LRP1B: variants seen among roughly 807,000 people sequenced by gnomAD.
The protein encoded by LRP1B is LDL receptor related protein 1B.
Under a neutral mutation model 556.6 loss-of-function variants are expected in LRP1B, and 217 were observed. That is an observed-to-expected ratio of 0.39 (90% confidence interval 0.35 to 0.44). LRP1B has a LOEUF of 0.44. Ranked by LOEUF, LRP1B falls within the 20% of genes least tolerant of loss-of-function variation. The pLI is 1.00. For missense variants in LRP1B, 5,053 were observed against 5,620.8 expected, an observed-to-expected ratio of 0.90 and a Z score of 3.23; for synonymous variants, 2,047 against 1,865.8, an observed-to-expected ratio of 1.10 and a Z score of -2.50.
rs138306215 is a variant in LRP1B, at chr2:141,092,905, G to C, written c.1014-30632C>G. On this transcript the variant is annotated intron_variant, in intron 7 of 90. Coordinates refer to ENST00000389484, the MANE Select transcript of LRP1B (RefSeq NM_018557.3). ...TGGAGAATCAGGGGAGGAAAATAATGATTTCAGTGGTTTAGGAGAGAACTG... is the reference window on the plus strand; with the variant it reads ...TGGAGAATCAGGGGAGGAAAATAATCATTTCAGTGGTTTAGGAGAGAACTG... Among the ~76,000 whole-genome samples, 48 of 152,254 alleles carry C rather than the reference G, an allele frequency of 3.2e-4. 1 individual carries two copies. In the East Asian group the frequency reaches 8.3e-3, roughly 26 times the overall value.
At chr2:140,913,859 A>G (rs2105242408) in intron 21 of LRP1B, among the ~76,000 whole-genome samples, 1 of 152,190 alleles carries the variant, frequency 6.6e-6, no homozygotes, top group Admixed American at 6.5e-5. Context: ...TTGGGAGGTA[A>G]TTTTGAACAT....
chr2:141,074,413 C>T (rs996653147), intron 7 of LRP1B, among the ~76,000 whole-genome samples: 1 of 151,804 alleles, frequency 6.6e-6, no homozygotes, highest in African/African-American at 2.4e-5. Context: ...TCTTATTTTA[C>T]TTGCATAAAA....
intron 3 of LRP1B, among the ~76,000 whole-genome samples, chr2:141,294,494 G>A: frequency 6.6e-6 from 1 of 152,000 alleles, no homozygotes. Context: ...AGGCCATGGT[G>A]GGAGGATTGC....
chr2:140,335,551 A>G (rs1681041918), intron 78 of LRP1B, 64 bp downstream of exon 78: 4 of 970,084 alleles, frequency 4.1e-6, no homozygotes, highest in South Asian at 3.9e-5. Flanking sequence ...CAAAATCTAT[A>G]GAGCATAATT....
At chr2:141,750,131 A>T (rs907413923) in intron 2 of LRP1B, among the ~76,000 whole-genome samples, 4 of 152,056 alleles carry the variant, frequency 2.6e-5, no homozygotes, top group Admixed American at 2.6e-4. Flanking sequence ...CTCAGTAGAG[A>T]TATATAGTGT....
intron 7 of LRP1B, among the ~76,000 whole-genome samples, chr2:141,156,457 T>A (rs1342793739): frequency 6.6e-6 from 1 of 151,688 alleles, no homozygotes; most frequent in Non-Finnish European, 1.5e-5. Flanking sequence ...TGAAAACCCA[T>A]CTCTACAAAA....
At chr2:141,870,228 A>G (rs1286181286) in intron 1 of LRP1B, among the ~76,000 whole-genome samples, 1 of 151,918 alleles carries the variant, frequency 6.6e-6, no homozygotes, top group Non-Finnish European at 1.5e-5. Flanking sequence ...TACTTTTTCA[A>G]AATGACTCTT....
intron 3 of LRP1B, among the ~76,000 whole-genome samples, chr2:141,429,410 C>T (rs1356608381): frequency 6.6e-6 from 1 of 152,012 alleles, no homozygotes; most frequent in Non-Finnish European, 1.5e-5. Flanking sequence ...TGCATTTGAC[C>T]AGAAGTTACC....
chr2:140,615,922 T>C (rs1440772876), intron 41 of LRP1B, among the ~76,000 whole-genome samples: 2 of 152,084 alleles, frequency 1.3e-5, no homozygotes, highest in African/African-American at 4.8e-5. Context: ...AGTCTCTACA[T>C]ATTCTTAGTC....
At chr2:141,437,179 T>C (rs945853088) in intron 3 of LRP1B, among the ~76,000 whole-genome samples, 3 of 152,104 alleles carry the variant, frequency 2.0e-5, no homozygotes, top group African/African-American at 4.8e-5. Context: ...TATATGACAA[T>C]AGAAGAAAAT....
At chr2:142,040,886 T>C (rs934783345) in intron 1 of LRP1B, among the ~76,000 whole-genome samples, 3 of 151,286 alleles carry the variant, frequency 2.0e-5, no homozygotes, top group African/African-American at 7.3e-5. Context: ...ACAGAAGTAA[T>C]GCAATTTTTA....
intron 1 of LRP1B, among the ~76,000 whole-genome samples, chr2:141,847,765 G>T (rs1212713103): frequency 6.6e-6 from 1 of 151,646 alleles, no homozygotes; most frequent in East Asian, 1.9e-4. Flanking sequence ...CTCTAATACT[G>T]TTACAAAAAG....
At chr2:141,161,466 G>C (rs954616874) in intron 7 of LRP1B, among the ~76,000 whole-genome samples, 18 of 152,238 alleles carry the variant, frequency 1.2e-4, no homozygotes, top group African/African-American at 4.3e-4. Context: ...GATAATATCA[G>C]AAATAATGAA....
At chr2:141,806,674 A>G (rs1696177815) in intron 2 of LRP1B, among the ~76,000 whole-genome samples, 1 of 152,020 alleles carries the variant, frequency 6.6e-6, no homozygotes, top group Non-Finnish European at 1.5e-5. Flanking sequence ...CACACACAGA[A>G]GAGAAGGAAA....
intron 7 of LRP1B, among the ~76,000 whole-genome samples, chr2:141,168,385 T>A (rs1680356599): frequency 6.6e-6 from 1 of 152,160 alleles, no homozygotes; most frequent in South Asian, 2.1e-4. Context: ...GTCTGTTACT[T>A]AGAGCAGTGA....
intron 3 of LRP1B, among the ~76,000 whole-genome samples, chr2:141,403,068 T>C (rs980954702): frequency 6.6e-6 from 1 of 152,048 alleles, no homozygotes; most frequent in Non-Finnish European, 1.5e-5. Flanking sequence ...ACAACAGTGA[T>C]ATAAAATAAC....
chr2:141,248,085 GTACCCCTTCATTCTATTCCTC>G, intron 4 of LRP1B, among the ~76,000 whole-genome samples: 1 of 152,132 alleles, frequency 6.6e-6, no homozygotes, highest in Non-Finnish European at 1.5e-5. Flanking sequence ...GTGTGTGCCT[GTACCCCTTCATTCTATTCCTC>G]TACCCCTTCA....
At chr2:141,523,408 T>G (rs1684591438) in intron 2 of LRP1B, among the ~76,000 whole-genome samples, 1 of 152,106 alleles carries the variant, frequency 6.6e-6, no homozygotes, top group African/African-American at 2.4e-5. Flanking sequence ...AAACCCCAGT[T>G]TCTTTGTCTA....
intron 2 of LRP1B, among the ~76,000 whole-genome samples, chr2:141,491,249 C>A (rs1401175152): frequency 1.3e-5 from 2 of 152,038 alleles, no homozygotes; most frequent in African/African-American, 4.8e-5. Flanking sequence ...AGATGCTCTT[C>A]AATTTTCAAT....
Sources: gnomAD v4.1 joint callset for allele counts (sites outside exome capture counted in the v4.1 genomes callset) on GRCh38, gnomAD v4.1.1 for gene constraint, MANE v1.5 for transcripts, NCBI Gene and HGNC (gene_info 2026-07-23, HGNC 2026-07-21) for gene names.